The following CRTC1 variants were observed in gnomAD, a reference collection of about 807,000 sequenced individuals.
CRTC1 encodes CREB regulated transcription coactivator 1.
A neutral mutation model predicts 66.1 loss-of-function variants in CRTC1; 18 were observed. The observed-to-expected ratio is 0.27, with a 90% CI of 0.19 to 0.40. The LOEUF (loss-of-function observed/expected upper bound fraction) is 0.40, where lower values mean the gene tolerates loss of function less well. Ranked by LOEUF, CRTC1 falls within the 10% of genes least tolerant of loss-of-function variation. The probability of loss-of-function intolerance (pLI) is 1.00; values close to 1 mark genes in which losing one functional copy is unlikely to be tolerated. For synonymous variants in CRTC1, 416 were observed against 398.8 expected, an observed-to-expected ratio of 1.04 and a Z score of -0.51; for missense variants, 669 against 887.9, an observed-to-expected ratio of 0.75 and a Z score of 3.13.
At chr19:18,698,185 GCA>G (rs1305128862) in intron 1 of CRTC1, among the ~76,000 whole-genome samples, 3 of 149,984 alleles carry the variant, frequency 2.0e-5, no homozygotes, top group Non-Finnish European at 4.5e-5. Flanking sequence ...CACTCAGCAG[GCA>G]CACAGTGTAT....
chr19:18,722,169 G>T (rs569487907), intron 1 of CRTC1, among the ~76,000 whole-genome samples: 80 of 152,310 alleles, frequency 5.3e-4, no homozygotes, highest in Non-Finnish European at 4.7e-4. Context: ...TCCTGCCATG[G>T]GGAGCTTGCA....
intron 8 of CRTC1, among the ~76,000 whole-genome samples, chr19:18,761,702 G>C (rs2054617896): frequency 6.6e-6 from 1 of 152,192 alleles, no homozygotes; most frequent in Non-Finnish European, 1.5e-5. Context: ...CCTGGGAGCT[G>C]GGTTGATGCA....
intron 1 of CRTC1, among the ~76,000 whole-genome samples, chr19:18,736,158 C>T (rs2053992601): frequency 1.3e-5 from 2 of 152,176 alleles, no homozygotes; most frequent in Non-Finnish European, 1.5e-5. Flanking sequence ...TCCTTCAAGT[C>T]GGCACACATC....
rs2055033892 is a variant in CRTC1 at position 18,778,057 on chromosome 19, C to T, written c.*675C>T. 2.1e-5 allele frequency: 5 copies of T among 233,608 alleles called. No individual in the cohort carries two copies. In the East Asian group the frequency reaches 3.0e-4, roughly 14 times the overall value. The allele number at this position is 233,608 out of a possible 1,614,324, so 14.5% of individuals were successfully genotyped here. A position where few individuals can be genotyped will look rare whatever the true frequency, so the allele number is the denominator to read the frequency against. ...GCGGACCCCCCCACGACCCTCCTCG[C>T]CCTGTCTCCATCCCCTCGAAGCCCT... On this transcript the variant is annotated 3_prime_UTR_variant, in exon 14 of 14. Transcript: ENST00000321949.
In CRTC1 at chr19:18,741,982, C is replaced by T. The variant is rs543212603; in HGVS notation, c.127-928C>T. On this transcript the variant is annotated intron_variant, in intron 1 of 13. Transcript: ENST00000321949. The surrounding 1 kb of genome is among the most constrained non-coding windows in gnomAD (Gnocchi z 4.2). ...TGTACACAGTGTCCACCCTAGCAAC[C>T]GCCCCTGCCGGGCCAGAGTGGACAA... Among the ~76,000 whole-genome samples, 5 of 152,268 alleles carry T rather than the reference C, an allele frequency of 3.3e-5. No homozygotes were observed. The highest frequency in any genetic ancestry group is 5.9e-5 in the Non-Finnish European group (4 of 68,006).
At chr19:18,739,189 C>A (rs1323063824) in intron 1 of CRTC1, among the ~76,000 whole-genome samples, 1 of 152,260 alleles carries the variant, frequency 6.6e-6, no homozygotes, top group East Asian at 1.9e-4. Context: ...CACCTGTCGC[C>A]CCGCTTGTTG....
Position 18,731,801 on chromosome 19 carries a change from T to C in CRTC1, c.127-11109T>C, listed in dbSNP as rs530392450. ...TCCTGCTCGTCACACCTCGGCTGCCTGGCTGCCCCGGGGGGTGGGGGGAAG... is the reference window on the plus strand; with the variant it reads ...TCCTGCTCGTCACACCTCGGCTGCCCGGCTGCCCCGGGGGGTGGGGGGAAG... On this transcript the variant is annotated intron_variant, in intron 1 of 13. Coordinates refer to ENST00000321949, the MANE Select transcript of CRTC1 (RefSeq NM_015321.3). 1.9e-3 allele frequency among the ~76,000 whole-genome samples: 290 copies of C among 152,298 alleles called. 2 individuals are homozygous for C. The highest frequency in any genetic ancestry group is 6.7e-3 in the African/African-American group (277 of 41,566).
chr19:18,693,091 A>G (rs984222847), intron 1 of CRTC1, among the ~76,000 whole-genome samples: 1 of 149,668 alleles, frequency 6.7e-6, no homozygotes, highest in Non-Finnish European at 1.5e-5. Flanking sequence ...AAAAAAAAAA[A>G]AAAGAAATTC....
intron 2 of CRTC1, among the ~76,000 whole-genome samples, chr19:18,745,476 G>A (rs1256555721): frequency 6.6e-6 from 1 of 152,204 alleles, no homozygotes; most frequent in Non-Finnish European, 1.5e-5. Flanking sequence ...TGCACCTGGT[G>A]AGACTGGGGA....
chr19:18,756,918 A>T (rs1429739829), intron 6 of CRTC1, among the ~76,000 whole-genome samples: 2 of 152,148 alleles, frequency 1.3e-5, no homozygotes, highest in Non-Finnish European at 2.9e-5. Context: ...TAATGAAGCG[A>T]ATGTTTACTC....
intron 1 of CRTC1, among the ~76,000 whole-genome samples, chr19:18,688,987 C>T (rs1357552334): frequency 6.6e-6 from 1 of 152,050 alleles, no homozygotes; most frequent in Non-Finnish European, 1.5e-5. Context: ...GCTCTGTCAC[C>T]CAGTCTGGAG....
In CRTC1 at chr19:18,774,867, C is replaced by G. The variant is rs548164106; in HGVS notation, c.1426-33C>G. The G allele has an allele frequency of 1.7e-5, 27 of 1,605,480 alleles. No individual in the cohort carries two copies. The South Asian group carries it at 2.2e-4, about 13-fold the overall frequency. On this transcript the variant is annotated intron_variant, in intron 11 of 13. Coordinates refer to ENST00000321949, the MANE Select transcript of CRTC1 (RefSeq NM_015321.3). ...GCCGACTTCCCACCTGGCCTCAGGC[C>G]GTGACCACAGCAGGCCTCTCTTCTG...
intron 9 of CRTC1, among the ~76,000 whole-genome samples, chr19:18,765,960 C>CA (rs11443048): frequency 0.064 from 9,496 of 149,416 alleles, 994 homozygotes; most frequent in African/African-American, 0.22. Context: ...GACTCTGTTT[C>CA]AAAAAAAAAG....
In CRTC1 at chr19:18,776,869, G is replaced by C. The variant is rs140830454; in HGVS notation, c.1694-302G>C. Among the ~76,000 whole-genome samples, 336 of 152,234 alleles carry C rather than the reference G, an allele frequency of 2.2e-3. 1 individual carries two copies. The highest frequency in any genetic ancestry group is 7.7e-3 in the African/African-American group (321 of 41,554). ...GGGAGCCGGGGAGGTCCCTGCCCTC[G>C]CCAGGTCATGCTGACGTGCATCAGT... On this transcript the variant is annotated intron_variant, in intron 13 of 13. Coordinates refer to ENST00000321949, the MANE Select transcript of CRTC1 (RefSeq NM_015321.3).
In CRTC1 at chr19:18,688,485, C is replaced by G. The variant is rs150217940; in HGVS notation, c.126+4657C>G. Among the ~76,000 whole-genome samples the G allele has an allele frequency of 2.2e-3, 338 of 152,110 alleles. 5 individuals are homozygous for G. Among genetic ancestry groups the G allele is most frequent in the African/African-American group, 7.6e-3 (316 of 41,442 alleles). On this transcript the variant is annotated intron_variant, in intron 1 of 13. Coordinates refer to ENST00000321949, the MANE Select transcript of CRTC1 (RefSeq NM_015321.3). ...GGAGGAGCCCCCCCTGTCGCCCAGG[C>G]TGGAGTGTGGTGGTGCGATCTTGAC... is the stretch of plus-strand genomic sequence containing the variant.
chr19:18,747,185 A>G, intron 4 of CRTC1, 71 bp downstream of exon 4: 2 of 1,102,550 alleles, frequency 1.8e-6, no homozygotes, highest in South Asian at 1.3e-5. Flanking sequence ...TCATGGTTAC[A>G]TGTGGAAAAG....
rs538414217 is a variant in CRTC1 at position 18,779,457 on chromosome 19, C to CT, written c.*2089dup. 0.023 allele frequency: 4,276 copies of CT among 186,632 alleles called. 2 individuals carry two copies. Among genetic ancestry groups the CT allele is most frequent in the Middle Eastern group, 0.046 (25 of 544 alleles). The allele number at this position is 186,632 out of a possible 1,614,324, so 11.6% of individuals were successfully genotyped here. A position where few individuals can be genotyped will look rare whatever the true frequency, so the allele number is the denominator to read the frequency against. On this transcript the variant is annotated 3_prime_UTR_variant, in exon 14 of 14. Coordinates refer to ENST00000321949, the MANE Select transcript of CRTC1 (RefSeq NM_015321.3). ...AGAGGCTGGGGGCAGACAGCGGGGA[C>CT]TTTTTTTTTTTTTTAAGAAAAACTA...
chr19:18,762,917 G>A (rs570653382), intron 8 of CRTC1, among the ~76,000 whole-genome samples: 6 of 152,284 alleles, frequency 3.9e-5, no homozygotes, highest in South Asian at 2.1e-4. Context: ...GGTATGTTTC[G>A]TGTGGGCCCA....
intron 1 of CRTC1, among the ~76,000 whole-genome samples, chr19:18,736,241 T>C (rs552013890): frequency 4.6e-5 from 7 of 152,186 alleles, no homozygotes; most frequent in Non-Finnish European, 1.0e-4. Flanking sequence ...CCAGGGTCCC[T>C]CTGCCTTCAT....
Sources: allele counts gnomAD v4.1 joint callset (sites outside exome capture counted in the v4.1 genomes callset), GRCh38; gene constraint gnomAD v4.1.1; non-coding constraint Gnocchi (gnomAD v3.1); transcripts MANE v1.5; gene names NCBI Gene and HGNC (gene_info 2026-07-23, HGNC 2026-07-21).